The following COL23A1 variants were observed in gnomAD, a reference collection of about 807,000 sequenced individuals.
COL23A1 encodes collagen type XXIII alpha 1 chain.
COL23A1 carries 97 observed loss-of-function variants against 99.3 expected under a neutral mutation model. That is an observed-to-expected ratio of 0.98 (90% CI 0.83 to 1.16). The LOEUF is 1.16. COL23A1 is among the 50% of genes most tolerant of loss of function. The probability of loss-of-function intolerance (pLI) is 0.00; values close to 1 mark genes in which losing one functional copy is unlikely to be tolerated. For missense variants in COL23A1, 762 were observed against 757.4 expected (o/e 1.01, Z -0.07); for synonymous variants, 320 against 308.2 (o/e 1.04, Z -0.40).
Position 178,517,856 on chromosome 5 carries a change from G to A in COL23A1, c.361+42826C>T, listed in dbSNP as rs1279213597. Among the ~76,000 whole-genome samples the A allele has an allele frequency of 1.4e-5, 2 of 144,732 alleles. 1 individual carries two copies. Among genetic ancestry groups the A allele is most frequent in the Non-Finnish European group, 3.0e-5 (2 of 66,972 alleles). The allele number at this position is 144,732 out of a possible 152,430, so 94.9% of individuals were successfully genotyped here. ...ATTACAGGCGTGAGCCGCCGTGCCT[G>A]GCCAGCAACAGCGGTTCTTTTTTTT... On this transcript the variant is annotated intron_variant, in intron 2 of 28. Transcript: ENST00000390654.
At position 178,560,750 on chromosome 5, in the gene COL23A1, T is replaced by A. The variant is rs1231613634; in HGVS notation, c.295-2A>T. On this transcript the variant is annotated splice_acceptor_variant, in intron 1 of 28. Coordinates refer to ENST00000390654, the MANE Select transcript of COL23A1 (RefSeq NM_173465.4). LOFTEE classifies it high-confidence loss of function. ...GATCTTCGCTAGTCCGTCCAACTTCTGAGCCGGAAAAAAAAAAAGAAAAAA... is the reference window on the plus strand; with the variant it reads ...GATCTTCGCTAGTCCGTCCAACTTCAGAGCCGGAAAAAAAAAAAGAAAAAA... The A allele has an allele frequency of 1.9e-6, 3 of 1,605,170 alleles. No homozygotes were observed. The highest frequency in any genetic ancestry group is 2.5e-6 in the Non-Finnish European group (3 of 1,177,342).
intron 2 of COL23A1, among the ~76,000 whole-genome samples, chr5:178,467,805 TAGAA>T: frequency 6.6e-6 from 1 of 152,230 alleles, no homozygotes; most frequent in South Asian, 2.1e-4. Flanking sequence ...TTGCCAAAAA[TAGAA>T]AGAAACTCTA....
At chr5:178,287,587 C>T (rs1263301925) in intron 5 of COL23A1, among the ~76,000 whole-genome samples, 1 of 152,134 alleles carries the variant, frequency 6.6e-6, no homozygotes, top group Non-Finnish European at 1.5e-5. Context: ...CACCAGCCGT[C>T]CTGACTGCAC....
At chr5:178,293,875 G>T (rs1757591311) in intron 3 of COL23A1, among the ~76,000 whole-genome samples, 1 of 152,088 alleles carries the variant, frequency 6.6e-6, no homozygotes, top group Admixed American at 6.5e-5. Flanking sequence ...ACAGGCTGTT[G>T]TCAGAGGAGG....
intron 1 of COL23A1, among the ~76,000 whole-genome samples, chr5:178,565,219 G>T (rs1321281085): frequency 6.6e-6 from 1 of 152,230 alleles, no homozygotes. Context: ...GGGCTGTTGT[G>T]ATATCATCTT....
Position 178,339,574 on chromosome 5 carries a change from T to C in COL23A1, c.362-32655A>G, listed in dbSNP as rs574586839. ...CTGTGTGGTGGAGAGGCATTCTCAC[T>C]GACCTCACAGCCAGCTAGCATGTGT... On this transcript the variant is annotated intron_variant, in intron 2 of 28. Coordinates refer to ENST00000390654, the MANE Select transcript of COL23A1 (RefSeq NM_173465.4). Among the ~76,000 whole-genome samples, 7 of 152,306 alleles carry C rather than the reference T, an allele frequency of 4.6e-5. No homozygotes were observed. The South Asian group carries it at 8.3e-4, about 18-fold the overall frequency.
At position 178,358,248 on chromosome 5, in the gene COL23A1, G is replaced by GTA. The variant is rs796141502; in HGVS notation, c.362-51330_362-51329insTA. On this transcript the variant is annotated intron_variant, in intron 2 of 28. Transcript: ENST00000390654. ...AATGTGTGTATGTGTGTATGTGTATGTGTGTGTATGTATATGTGTGTATAT... is the reference window on the plus strand; with the variant it reads ...AATGTGTGTATGTGTGTATGTGTATGTATGTGTGTATGTATATGTGTGTATAT... Among the ~76,000 whole-genome samples, 47 of 125,722 alleles carry GTA rather than the reference G, an allele frequency of 3.7e-4. 1 individual carries two copies. The highest frequency in any genetic ancestry group is 1.4e-3 in the Admixed American group (19 of 13,366). 82.5% of individuals were successfully genotyped at this position (125,722 alleles called of 152,430 possible). A position where few individuals can be genotyped will look rare whatever the true frequency, so the allele number is the denominator to read the frequency against.
intron 2 of COL23A1, among the ~76,000 whole-genome samples, chr5:178,516,603 C>G (rs542108834): frequency 6.6e-6 from 1 of 152,218 alleles, no homozygotes; most frequent in Non-Finnish European, 1.5e-5. Context: ...TCCTGGAACG[C>G]GCCAGGCCCT....
At chr5:178,285,884 C>A (rs1381062943) in intron 5 of COL23A1, among the ~76,000 whole-genome samples, 1 of 152,248 alleles carries the variant, frequency 6.6e-6, no homozygotes, top group Non-Finnish European at 1.5e-5. Flanking sequence ...CAGGACTGGG[C>A]CCCAGGAGCC....
chr5:178,541,993 G>A (rs115320893), intron 2 of COL23A1, among the ~76,000 whole-genome samples: 1 of 152,168 alleles, frequency 6.6e-6, no homozygotes, highest in Non-Finnish European at 1.5e-5. Context: ...GCAAACTTAC[G>A]ATATGTGCTC....
chr5:178,529,837 C>A (rs6887596), intron 2 of COL23A1, among the ~76,000 whole-genome samples: 1 of 152,180 alleles, frequency 6.6e-6, no homozygotes, highest in African/African-American at 2.4e-5. Context: ...CCAGTAGAAG[C>A]GTGTGGATGA....
At chr5:178,523,744 T>C (rs1760152774) in intron 2 of COL23A1, 1 of 152,200 alleles carries the variant, frequency 6.6e-6, no homozygotes, top group African/African-American at 2.4e-5. Context: ...CCCGGAATGA[T>C]GAACAATTGG....
In COL23A1 at chr5:178,521,544, C is replaced by T. The variant is rs1419903866; in HGVS notation, c.361+39138G>A. On this transcript the variant is annotated intron_variant, in intron 2 of 28. Transcript: ENST00000390654. ...CTCCAGCCTGGGTGACAGAGCAAGA[C>T]TCCATCTCAAAAAAAAAAAAAAAAA... is the stretch of plus-strand genomic sequence containing the variant. 6.2e-4 allele frequency among the ~76,000 whole-genome samples: 69 copies of T among 110,788 alleles called. No individual in the cohort carries two copies. In the Admixed American group the frequency reaches 7.4e-3, roughly 12 times the overall value. The allele number at this position is 110,788 out of a possible 152,430, so 72.7% of individuals were successfully genotyped here.
chr5:178,279,403 C>T (rs886709914), intron 5 of COL23A1, among the ~76,000 whole-genome samples: 3 of 152,222 alleles, frequency 2.0e-5, no homozygotes, highest in Non-Finnish European at 2.9e-5. Context: ...AGCCTTGGCT[C>T]GCACACCCCT....
chr5:178,581,030 C>T (rs1423322799), intron 1 of COL23A1, among the ~76,000 whole-genome samples: 2 of 152,022 alleles, frequency 1.3e-5, no homozygotes, highest in Non-Finnish European at 2.9e-5. Flanking sequence ...AGTTTCCACA[C>T]CAAACTGATA....
At chr5:178,465,769 G>C (rs970974187) in intron 2 of COL23A1, among the ~76,000 whole-genome samples, 1 of 152,220 alleles carries the variant, frequency 6.6e-6, no homozygotes, top group African/African-American at 2.4e-5. Context: ...TGCTACACAC[G>C]GTAAAGAAGT....
intron 2 of COL23A1, among the ~76,000 whole-genome samples, chr5:178,478,453 A>G (rs545013014): frequency 2.0e-5 from 3 of 152,318 alleles, no homozygotes; most frequent in South Asian, 2.1e-4. Context: ...TCACTTCTTC[A>G]TTGCCCAGAT....
intron 2 of COL23A1, among the ~76,000 whole-genome samples, chr5:178,359,961 G>A (rs934807182): frequency 2.2e-4 from 34 of 152,224 alleles, no homozygotes; most frequent in Non-Finnish European, 5.9e-5. Context: ...GGGGTTAAGG[G>A]TGAGCTTACG....
intron 3 of COL23A1, among the ~76,000 whole-genome samples, chr5:178,299,905 C>T (rs1021105601): frequency 1.1e-4 from 16 of 150,436 alleles, no homozygotes; most frequent in Non-Finnish European, 1.9e-4. Flanking sequence ...AGGCGCCCAC[C>T]ACCACACCCA....
Sources: allele counts gnomAD v4.1 joint callset (sites outside exome capture counted in the v4.1 genomes callset), GRCh38; gene constraint gnomAD v4.1.1; transcripts MANE v1.5; gene names NCBI Gene and HGNC (gene_info 2026-07-23, HGNC 2026-07-21).